KCNQ5: variants seen among roughly 807,000 people sequenced by gnomAD.
KCNQ5 encodes the protein potassium voltage-gated channel subfamily Q member 5, also known as potassium voltage-gated channel subfamily KQT member 5.
KCNQ5 carries 30 observed loss-of-function variants against 98.2 expected under a neutral mutation model. The observed-to-expected ratio is 0.31, with a 90% CI of 0.23 to 0.41. KCNQ5 has a LOEUF of 0.41. Among genes scored for constraint, KCNQ5 ranks in the 10% least tolerant of loss-of-function variants. KCNQ5 has a pLI of 1.00. For missense variants in KCNQ5, 835 were observed against 1,182.5 expected, an observed-to-expected ratio of 0.71 and a Z score of 4.31; for synonymous variants, 458 against 449.4, an observed-to-expected ratio of 1.02 and a Z score of -0.24.
rs184266247 is a variant in KCNQ5 at position 72,795,080 on chromosome 6, C to T, written c.398+172493C>T. Among the ~76,000 whole-genome samples, 77 of 152,190 alleles carry T rather than the reference C, an allele frequency of 5.1e-4. 1 individual carries two copies. In the East Asian group the frequency reaches 0.012, roughly 24 times the overall value. ...TTGACTTCTGTCTAGGTAGATGCTTCCGACATGTTGGTGGACAGAAGCATA... is the reference window on the plus strand; with the variant it reads ...TTGACTTCTGTCTAGGTAGATGCTTTCGACATGTTGGTGGACAGAAGCATA... On this transcript the variant is annotated intron_variant, in intron 1 of 13. Transcript: ENST00000370398.
intron 3 of KCNQ5, among the ~76,000 whole-genome samples, chr6:73,048,347 T>C (rs928689887): frequency 2.0e-5 from 3 of 152,048 alleles, no homozygotes; most frequent in African/African-American, 7.2e-5. Flanking sequence ...TTGATGAGCT[T>C]GGGTTGTACA....
intron 1 of KCNQ5, among the ~76,000 whole-genome samples, chr6:72,693,037 G>A (rs888929173): frequency 1.3e-5 from 2 of 152,084 alleles, no homozygotes; most frequent in Non-Finnish European, 1.5e-5. Context: ...ATTTCTAATA[G>A]CAATATAGAG....
At chr6:72,746,695 A>G (rs1169806505) in intron 1 of KCNQ5, among the ~76,000 whole-genome samples, 1 of 152,230 alleles carries the variant, frequency 6.6e-6, no homozygotes, top group Non-Finnish European at 1.5e-5. Flanking sequence ...TCAAAGTACC[A>G]TTAATGTAAT....
chr6:72,666,128 A>C (rs1766799071), intron 1 of KCNQ5, among the ~76,000 whole-genome samples: 1 of 152,238 alleles, frequency 6.6e-6, no homozygotes, highest in African/African-American at 2.4e-5. Flanking sequence ...TAAGAGTAGA[A>C]GACGTCAATC....
At chr6:73,055,534 C>T in intron 3 of KCNQ5, 3 of 1,493,040 alleles carry the variant, frequency 2.0e-6, no homozygotes, top group Non-Finnish European at 2.8e-6. Context: ...CAGAAAATCA[C>T]CTACCCTCCT....
chr6:73,044,401 G>A (rs1307008738), intron 3 of KCNQ5, among the ~76,000 whole-genome samples: 1 of 152,142 alleles, frequency 6.6e-6, no homozygotes, highest in Non-Finnish European at 1.5e-5. Flanking sequence ...AAATTTCATG[G>A]ATAAATATAT....
chr6:72,829,478 T>C (rs1776139939), intron 1 of KCNQ5, among the ~76,000 whole-genome samples: 2 of 152,050 alleles, frequency 1.3e-5, no homozygotes, highest in African/African-American at 4.8e-5. Context: ...AAAAATGACT[T>C]TACCATGGTA....
intron 1 of KCNQ5, among the ~76,000 whole-genome samples, chr6:72,754,797 A>G (rs1024763372): frequency 2.6e-5 from 4 of 152,158 alleles, no homozygotes; most frequent in Non-Finnish European, 5.9e-5. Context: ...AATGTTGTAT[A>G]AATGTCAATT....
At position 73,194,546 on chromosome 6, in the gene KCNQ5, T is replaced by A; in HGVS notation, c.1931T>A (p.Phe644Tyr). 1 of 1,614,202 alleles carries A rather than the reference T, an allele frequency of 6.2e-7. No individual in the cohort carries two copies. The highest frequency in any genetic ancestry group is 8.5e-7 in the Non-Finnish European group (1 of 1,180,042). ...GCCTCAGCCCTCGCTTTGGCTTCAT[T>A]CCAGATCCCACCTTTTGAATGTGAA... ...GSASALALAS[F>Y]QIPPFECEQT... The change falls in exon 14 of 14, where the codon TTC becomes TAC. Residue 644 changes from phenylalanine to tyrosine, a missense_variant. Coordinates refer to ENST00000370398, the MANE Select transcript of KCNQ5 (RefSeq NM_019842.4).
chr6:72,651,936 G>C (rs988671651), intron 1 of KCNQ5, among the ~76,000 whole-genome samples: 50 of 152,046 alleles, frequency 3.3e-4, no homozygotes, highest in Non-Finnish European at 6.8e-4. Context: ...TTATAATGCT[G>C]TTGTAAAACT....
At chr6:73,073,396 G>A (rs1310492165) in intron 3 of KCNQ5, among the ~76,000 whole-genome samples, 1 of 152,144 alleles carries the variant, frequency 6.6e-6, no homozygotes, top group East Asian at 1.9e-4. Context: ...TCTTTGTTCT[G>A]GAGGCTGTCC....
intron 1 of KCNQ5, among the ~76,000 whole-genome samples, chr6:72,829,587 G>A (rs1026308835): frequency 3.3e-5 from 5 of 152,108 alleles, no homozygotes; most frequent in Admixed American, 2.0e-4. Context: ...AATAACTCTC[G>A]AAGATGTTTT....
chr6:73,136,560 A>G (rs1390905024), intron 10 of KCNQ5: 1 of 152,194 alleles, frequency 6.6e-6, no homozygotes, highest in Admixed American at 6.5e-5. Flanking sequence ...TGCCCATTCA[A>G]TTAATTCTGA....
In KCNQ5 at chr6:72,904,867, G is replaced by C. The variant is rs543429668; in HGVS notation, c.399-99041G>C. On this transcript the variant is annotated intron_variant, in intron 1 of 13. Coordinates refer to ENST00000370398, the MANE Select transcript of KCNQ5 (RefSeq NM_019842.4). ...AATGTGCCTAGGCAATGATCTTTTT[G>C]TGATGAATTTCCAGGGTGTTCTTTG... 2.6e-5 allele frequency among the ~76,000 whole-genome samples: 4 copies of C among 152,096 alleles called. No individual in the cohort carries two copies. The South Asian group carries it at 6.2e-4, about 24-fold the overall frequency.
At position 73,118,876 on chromosome 6, in the gene KCNQ5, C is replaced by A. The variant is rs565355254; in HGVS notation, c.1126-1607C>A. Among the ~76,000 whole-genome samples the A allele has an allele frequency of 1.5e-4, 23 of 152,212 alleles. No homozygotes were observed. In the South Asian group the frequency reaches 4.2e-3, roughly 27 times the overall value. On this transcript the variant is annotated intron_variant, in intron 7 of 13. Transcript: ENST00000370398. ...TCTCTACTAAAAATACAAAAATTAG[C>A]TGGATGTGGTGGTGCGTGCCTGTAG... is the stretch of plus-strand genomic sequence containing the variant.
At chr6:73,009,654 G>A (rs1370716975) in intron 2 of KCNQ5, among the ~76,000 whole-genome samples, 1 of 152,062 alleles carries the variant, frequency 6.6e-6, no homozygotes, top group Non-Finnish European at 1.5e-5. Context: ...TAAGAAAAAA[G>A]AATACTCGAA....
At position 73,147,192 on chromosome 6, in the gene KCNQ5, G is replaced by A. The variant is rs186307186; in HGVS notation, c.1468+13551G>A. On this transcript the variant is annotated intron_variant, in intron 10 of 13. Coordinates refer to ENST00000370398, the MANE Select transcript of KCNQ5 (RefSeq NM_019842.4). ...TGGTAGAAATGATACCTACCTAATAGGGTTACGTGAGTAATAATAAGATAT... is the reference window on the plus strand; with the variant it reads ...TGGTAGAAATGATACCTACCTAATAAGGTTACGTGAGTAATAATAAGATAT... 1.4e-3 allele frequency among the ~76,000 whole-genome samples: 212 copies of A among 152,122 alleles called. 1 individual carries two copies. The highest frequency in any genetic ancestry group is 8.8e-4 in the Non-Finnish European group (60 of 67,992).
At position 73,192,680 on chromosome 6, in the gene KCNQ5, G is replaced by A; in HGVS notation, c.1825G>A (p.Val609Ile). 3 of 1,586,090 alleles carry A rather than the reference G, an allele frequency of 1.9e-6. No individual in the cohort carries two copies. Among genetic ancestry groups the A allele is most frequent in the Non-Finnish European group, 2.6e-6 (3 of 1,167,504 alleles). ...CAGTATGCTCGGTCGGGTGGTCAAG[G>A]TTGAAAAACAGGTACAACTCAACTA... ...DLSMLGRVVK[V>I]EKQVQSIESK... Residue 609 changes from valine to isoleucine, a missense_variant, in exon 13 of 14, where the codon GTT becomes ATT. Coordinates refer to ENST00000370398, the MANE Select transcript of KCNQ5 (RefSeq NM_019842.4).
chr6:72,812,764 T>G (rs1379035848), intron 1 of KCNQ5, among the ~76,000 whole-genome samples: 4 of 152,146 alleles, frequency 2.6e-5, no homozygotes, highest in South Asian at 4.2e-4. Flanking sequence ...CAAGCTAAAT[T>G]TCTCACTGTA....
Sources: allele counts gnomAD v4.1 joint callset (sites outside exome capture counted in the v4.1 genomes callset), GRCh38; gene constraint gnomAD v4.1.1; transcripts MANE v1.5; gene names NCBI Gene and HGNC (gene_info 2026-07-23, HGNC 2026-07-21).